MAOA: variants seen among roughly 807,000 people sequenced by gnomAD.
MAOA encodes monoamine oxidase A, also known as amine oxidase [flavin-containing] A.
A neutral mutation model predicts 42.0 loss-of-function variants in MAOA; 6 were observed. The ratio of observed to expected loss-of-function variants is 0.14; its 90% CI spans 0.08 to 0.28. The LOEUF (loss-of-function observed/expected upper bound fraction) is 0.28. Among genes scored for constraint, MAOA ranks in the 10% least tolerant of loss-of-function variants. The pLI, the probability that MAOA is intolerant of heterozygous loss-of-function variation, is 1.00. For synonymous variants in MAOA, 140 were observed against 154.0 expected, an observed-to-expected ratio of 0.91 and a Z score of 0.67; for missense variants, 262 against 422.3, an observed-to-expected ratio of 0.62 and a Z score of 3.33.
chrX:43,670,482 A>G (rs2033320050), intron 1 of MAOA, among the ~76,000 whole-genome samples: 1 of 108,962 alleles, frequency 9.2e-6, no homozygotes, highest in African/African-American at 3.3e-5. Context: ...GTTTTAGGGT[A>G]CATGTGCACA....
intron 6 of MAOA, among the ~76,000 whole-genome samples, chrX:43,729,348 T>C (rs140217939): frequency 1.5e-4 from 17 of 112,668 alleles, no homozygotes; most frequent in African/African-American, 4.5e-4. Context: ...CCAGGATACT[T>C]CTAGCCAAAT....
chrX:43,746,301 A>T lies in MAOA; in HGVS notation c.*1788A>T, dbSNP rs2033998096. 8.9e-6 allele frequency: 1 copy of T among 112,302 alleles called. No homozygotes were observed. The highest frequency in any genetic ancestry group is 1.9e-5 in the Non-Finnish European group (1 of 53,292). 9.3% of individuals were successfully genotyped at this position (112,302 alleles called of 1,213,427 possible). A position where few individuals can be genotyped will look rare whatever the true frequency, so the allele number is the denominator to read the frequency against. On this transcript the variant is annotated 3_prime_UTR_variant, in exon 15 of 15. Coordinates refer to ENST00000338702, the MANE Select transcript of MAOA (RefSeq NM_000240.4). ...TTTTCAACTTTTTGGAAAACGATTTAATTTATTCTAATTAGATTAACCCTA... is the reference window on the plus strand; with the variant it reads ...TTTTCAACTTTTTGGAAAACGATTTTATTTATTCTAATTAGATTAACCCTA...
At chrX:43,655,751 A>G (rs2033173135), upstream of MAOA, 1 of 112,720 alleles carries the variant, frequency 8.9e-6, no homozygotes. Context: ...TTGTACGGGG[A>G]CCTCCTATAC....
At chrX:43,740,786 T>C (rs2033955076) in intron 11 of MAOA, 48 bp downstream of exon 11, 8 of 1,075,770 alleles carry the variant, frequency 7.4e-6, no homozygotes, top group Non-Finnish European at 1.0e-5. Flanking sequence ...CTCTGTTCAC[T>C]ATAAGTAGTA....
intron 6 of MAOA, among the ~76,000 whole-genome samples, chrX:43,729,885 G>C (rs1005494498): frequency 9.0e-6 from 1 of 111,525 alleles, no homozygotes; most frequent in African/African-American, 3.3e-5. Flanking sequence ...GGAGGAGTAT[G>C]ATTGAGGAAT....
intron 5 of MAOA, among the ~76,000 whole-genome samples, chrX:43,716,440 G>T (rs1184611646): frequency 8.9e-6 from 1 of 112,028 alleles, no homozygotes; most frequent in East Asian, 2.8e-4. Flanking sequence ...GAAAGACAAG[G>T]CAGAGTGGAT....
chrX:43,656,818 T>A (rs2033183996), intron 1 of MAOA, among the ~76,000 whole-genome samples: 1 of 109,995 alleles, frequency 9.1e-6, no homozygotes, highest in African/African-American at 3.3e-5. Context: ...AGCTTGTAAG[T>A]GGCTGAACGA....
intron 1 of MAOA, chrX:43,658,053 C>T (rs2033200174): frequency 9.5e-6 from 4 of 419,486 alleles, no homozygotes; most frequent in Non-Finnish European, 1.2e-5. Context: ...TGTTGAGTAC[C>T]TGCAATGAAG....
At chrX:43,692,413 G>T (rs185169318) in intron 2 of MAOA, among the ~76,000 whole-genome samples, 31 of 111,188 alleles carry the variant, frequency 2.8e-4, no homozygotes, top group Middle Eastern at 4.6e-3. Context: ...GGTACTGTGA[G>T]AGTCCCAGGC....
chrX:43,731,898 TCA>T (rs113519998), intron 8 of MAOA, 45 bp downstream of exon 8: 28 of 1,089,055 alleles, frequency 2.6e-5, no homozygotes, highest in African/African-American at 2.5e-4. Flanking sequence ...TATGAAGAAA[TCA>T]CAGTCTTTTA....
In MAOA at chrX:43,681,880, A is replaced by ATTT. The variant is rs768785097; in HGVS notation, c.74-1620_74-1618dup. Among the ~76,000 whole-genome samples, 135 of 87,524 alleles carry ATTT rather than the reference A, an allele frequency of 1.5e-3. 1 individual carries two copies. The highest frequency in any genetic ancestry group is 6.0e-3 in the East Asian group (17 of 2,834). The allele number at this position is 87,524 out of a possible 115,157, so 76.0% of individuals were successfully genotyped here. On this transcript the variant is annotated intron_variant, in intron 1 of 14. Coordinates refer to ENST00000338702, the MANE Select transcript of MAOA (RefSeq NM_000240.4). ...ACAATAGCACTATATATATATATAT[A>ATTT]TTTTTTTTTTTTTTTCTTTGAGACG...
intron 1 of MAOA, among the ~76,000 whole-genome samples, chrX:43,662,242 G>A (rs1188470982): frequency 9.0e-6 from 1 of 111,092 alleles, no homozygotes; most frequent in African/African-American, 3.3e-5. Context: ...TGCTGTTTAG[G>A]ACACTTCTCT....
chrX:43,721,048 G>A (rs750555664), intron 5 of MAOA, among the ~76,000 whole-genome samples: 1 of 111,255 alleles, frequency 9.0e-6, no homozygotes, highest in African/African-American at 3.3e-5. Context: ...GTAGGGGATA[G>A]ACAGGAAGAG....
chrX:43,740,795 T>A, intron 11 of MAOA, 57 bp downstream of exon 11: 1 of 1,030,469 alleles, frequency 9.7e-7, no homozygotes, highest in Non-Finnish European at 1.3e-6. Flanking sequence ...CTATAAGTAG[T>A]AAAGCAAAGC....
At chrX:43,736,618 T>A (rs2147105235) in intron 10 of MAOA, among the ~76,000 whole-genome samples, 1 of 111,989 alleles carries the variant, frequency 8.9e-6, no homozygotes, top group South Asian at 3.7e-4. Flanking sequence ...TTTTCTAAGA[T>A]TCTCTGACAT....
chrX:43,726,124 C>G, intron 5 of MAOA, among the ~76,000 whole-genome samples: 1 of 111,192 alleles, frequency 9.0e-6, no homozygotes, highest in Non-Finnish European at 1.9e-5. Flanking sequence ...TCATTTCAAC[C>G]TTGGTGAATC....
intron 1 of MAOA, among the ~76,000 whole-genome samples, chrX:43,664,807 C>T (rs571335660): frequency 5.4e-4 from 60 of 111,375 alleles, no homozygotes; most frequent in African/African-American, 1.9e-3. Context: ...AATGCCTCTT[C>T]GAAAATCTGA....
chrX:43,715,320 G>A (rs1484218448), intron 5 of MAOA, among the ~76,000 whole-genome samples: 3 of 110,270 alleles, frequency 2.7e-5, no homozygotes, highest in African/African-American at 9.9e-5. Flanking sequence ...ATGACCCAGA[G>A]GGGTAGCGCA....
At chrX:43,730,986 T>C (rs1378720850) in intron 6 of MAOA, among the ~76,000 whole-genome samples, 1 of 112,013 alleles carries the variant, frequency 8.9e-6, no homozygotes, top group Non-Finnish European at 1.9e-5. Flanking sequence ...ATTGGCATAG[T>C]GGAACATTTC....
Sources: allele counts gnomAD v4.1 joint callset (sites outside exome capture counted in the v4.1 genomes callset), GRCh38; gene constraint gnomAD v4.1.1; transcripts MANE v1.5; gene names NCBI Gene and HGNC (gene_info 2026-07-23, HGNC 2026-07-21).